The following ITPRID1 variants were observed in gnomAD, a reference collection of about 807,000 sequenced individuals.
ITPRID1 encodes the protein ITPR interacting domain containing 1.
ITPRID1 carries 96 observed loss-of-function variants against 95.4 expected under a neutral mutation model. The ratio of observed to expected loss-of-function variants is 1.01; its 90% confidence interval spans 0.85 to 1.19. The LOEUF is 1.19. Ranked by LOEUF, ITPRID1 falls within the 50% of genes most tolerant of loss-of-function variation. ITPRID1 has a pLI of 0.00. For synonymous variants in ITPRID1, 510 were observed against 453.6 expected, an observed-to-expected ratio of 1.12 and a Z score of -1.58; for missense variants, 1,339 against 1,252.9, an observed-to-expected ratio of 1.07 and a Z score of -1.04.
At chr7:31,572,414 G>A (rs2128143819) in intron 7 of ITPRID1, among the ~76,000 whole-genome samples, 1 of 152,288 alleles carries the variant, frequency 6.6e-6, no homozygotes, top group Non-Finnish European at 1.5e-5. Context: ...TGATTGGCCA[G>A]TTCATTTTAC....
intron 6 of ITPRID1, among the ~76,000 whole-genome samples, chr7:31,570,761 T>C (rs1032139477): frequency 4.6e-5 from 7 of 152,156 alleles, no homozygotes; most frequent in Non-Finnish European, 1.0e-4. Flanking sequence ...TGGTTCTCCT[T>C]GGATCCAAGG....
chr7:31,621,795 A>G (rs1787928755), intron 10 of ITPRID1, among the ~76,000 whole-genome samples: 1 of 150,610 alleles, frequency 6.6e-6, no homozygotes. Context: ...TGCTCCAATT[A>G]AAAGACACAG....
intron 1 of ITPRID1, among the ~76,000 whole-genome samples, chr7:31,528,460 G>C (rs1424671293): frequency 6.6e-6 from 1 of 152,118 alleles, no homozygotes; most frequent in Non-Finnish European, 1.5e-5. Context: ...ACAAAGTTGT[G>C]GTCTTCTCAG....
intron 1 of ITPRID1, among the ~76,000 whole-genome samples, chr7:31,517,059 C>T (rs2128125661): frequency 6.6e-6 from 1 of 152,326 alleles, no homozygotes; most frequent in African/African-American, 2.4e-5. Flanking sequence ...AAGGAATAAG[C>T]AGCAACAAGA....
At chr7:31,616,522 A>G (rs549151195) in intron 10 of ITPRID1, among the ~76,000 whole-genome samples, 2 of 151,726 alleles carry the variant, frequency 1.3e-5, no homozygotes, top group Admixed American at 6.5e-5. Flanking sequence ...CCCTGAGGAG[A>G]AGGAGGTCAT....
Position 31,652,717 on chromosome 7 carries a change from C to G in ITPRID1, c.3023C>G (p.Thr1008Ser). 6.2e-7 allele frequency: 1 copy of G among 1,613,938 alleles called. No individual in the cohort carries two copies. The highest frequency in any genetic ancestry group is 1.7e-5 in the Admixed American group (1 of 60,006). ...GTQLAAFTPP[T>S]LENSTRMSPS... The stretch of plus-strand genomic sequence containing the variant: ...CAGTTGGCTGCCTTCACTCCACCCA[C>G]CTTGGAGAACAGCACCAGGATGTCT... The change falls in exon 15 of 15, where the codon ACC (threonine) becomes AGC (serine). Residue 1008 changes from threonine to serine, a missense_variant. Coordinates refer to ENST00000615280, the MANE Select transcript of ITPRID1 (RefSeq NM_001257967.3).
intron 1 of ITPRID1, among the ~76,000 whole-genome samples, chr7:31,519,618 C>CCATA (rs1783164406): frequency 3.2e-5 from 1 of 31,690 alleles, no homozygotes; most frequent in African/African-American, 1.1e-4. Flanking sequence ...CTCTCTCTCT[C>CCATA]TCTATATATA....
At chr7:31,533,131 G>A (rs1783653594) in intron 1 of ITPRID1, among the ~76,000 whole-genome samples, 2 of 151,994 alleles carry the variant, frequency 1.3e-5, no homozygotes, top group Non-Finnish European at 1.5e-5. Context: ...AAAGACATCT[G>A]TACCCAGGGT....
chr7:31,544,607 T>G (rs2128133982), intron 1 of ITPRID1, among the ~76,000 whole-genome samples: 1 of 152,270 alleles, frequency 6.6e-6, no homozygotes, highest in African/African-American at 2.4e-5. Context: ...AGAACAATTC[T>G]TTGTACCTTT....
chr7:31,625,454 G>C (rs1468197245), intron 10 of ITPRID1, among the ~76,000 whole-genome samples: 1 of 152,066 alleles, frequency 6.6e-6, no homozygotes, highest in Admixed American at 6.5e-5. Context: ...AAAAAATGAT[G>C]AGTTCATGTC....
rs1791138711 is a variant in ITPRID1, at chr7:31,653,606, G to C, written c.*777G>C. On this transcript the variant is annotated 3_prime_UTR_variant, in exon 15 of 15. Coordinates refer to ENST00000615280, the MANE Select transcript of ITPRID1 (RefSeq NM_001257967.3). ...GAATTTCCCAGTGGGCAAATTGTGA[G>C]GGAGGTATTTAGCTTTTAAAAAAAT... The C allele has an allele frequency of 6.6e-6, 1 of 152,066 alleles. No homozygotes were observed. The highest frequency in any genetic ancestry group is 1.5e-5 in the Non-Finnish European group (1 of 67,998). The allele number at this position is 152,066 out of a possible 1,614,324, so 9.4% of individuals were successfully genotyped here.
chr7:31,637,168 G>A (rs1789567676), intron 10 of ITPRID1, among the ~76,000 whole-genome samples: 1 of 151,950 alleles, frequency 6.6e-6, no homozygotes, highest in East Asian at 1.9e-4. Flanking sequence ...CCAAGTCTTT[G>A]CTATTGTGAA....
intron 1 of ITPRID1, among the ~76,000 whole-genome samples, chr7:31,519,638 A>ATATATATATATATATG (rs1409503302): frequency 7.7e-6 from 1 of 130,344 alleles, no homozygotes. Flanking sequence ...ATATATATAT[A>ATATATATATATATATG]TATATATAAA....
At chr7:31,590,553 G>GGA (rs1295899465) in intron 10 of ITPRID1, among the ~76,000 whole-genome samples, 2 of 152,114 alleles carry the variant, frequency 1.3e-5, no homozygotes, top group Non-Finnish European at 2.9e-5. Context: ...GGAATTTGTA[G>GGA]GAACCAGTTC....
intron 6 of ITPRID1, among the ~76,000 whole-genome samples, chr7:31,571,365 C>T (rs1429954755): frequency 1.3e-5 from 2 of 152,156 alleles, no homozygotes; most frequent in South Asian, 2.1e-4. Context: ...AAGTTAGCAA[C>T]CCAAGTAGGA....
At chr7:31,634,140 G>A (rs1789265181) in intron 10 of ITPRID1, among the ~76,000 whole-genome samples, 1 of 152,184 alleles carries the variant, frequency 6.6e-6, no homozygotes, top group Non-Finnish European at 1.5e-5. Context: ...TGAGGCGTCT[G>A]TCTCCTCCTA....
chr7:31,596,362 T>C (rs551079456), intron 10 of ITPRID1, among the ~76,000 whole-genome samples: 2 of 143,074 alleles, frequency 1.4e-5, no homozygotes, highest in Non-Finnish European at 3.0e-5. Flanking sequence ...TCCAAGCATC[T>C]TTTAGATTTT....
chr7:31,539,013 C>T (rs754534526), intron 1 of ITPRID1, among the ~76,000 whole-genome samples: 3 of 152,104 alleles, frequency 2.0e-5, no homozygotes, highest in Non-Finnish European at 2.9e-5. Flanking sequence ...TGTGTCATGA[C>T]AGCTCATTTC....
intron 1 of ITPRID1, among the ~76,000 whole-genome samples, chr7:31,521,617 TCC>T (rs1783253331): frequency 2.9e-5 from 1 of 35,026 alleles, no homozygotes; most frequent in African/African-American, 1.4e-4. Flanking sequence ...TTTTCTCCTT[TCC>T]CTCCTTCCTT....
Sources: gnomAD v4.1 joint callset for allele counts (sites outside exome capture counted in the v4.1 genomes callset) on GRCh38, gnomAD v4.1.1 for gene constraint, MANE v1.5 for transcripts, NCBI Gene and HGNC (gene_info 2026-07-23, HGNC 2026-07-21) for gene names.